PTPRM: variants seen among roughly 807,000 people sequenced by gnomAD.
PTPRM encodes the protein receptor-type tyrosine-protein phosphatase mu.
A neutral mutation model predicts 186.7 loss-of-function variants in PTPRM; 47 were observed. The ratio of observed to expected loss-of-function variants is 0.25; its 90% confidence interval spans 0.20 to 0.32. The LOEUF (loss-of-function observed/expected upper bound fraction) is 0.32, where lower values mean the gene tolerates loss of function less well. Among genes scored for constraint, PTPRM ranks in the 10% least tolerant of loss-of-function variants. The pLI is 1.00. For missense variants in PTPRM, 1,494 were observed against 1,865.0 expected, an observed-to-expected ratio of 0.80 and a Z score of 3.66; for synonymous variants, 668 against 674.9, an observed-to-expected ratio of 0.99 and a Z score of 0.16.
At chr18:7,916,017 T>C (rs1568008840) in intron 4 of PTPRM, among the ~76,000 whole-genome samples, 1 of 152,122 alleles carries the variant, frequency 6.6e-6, no homozygotes, top group Non-Finnish European at 1.5e-5. Context: ...AAACAAAAAC[T>C]ACACGTTTTC....
intron 2 of PTPRM, among the ~76,000 whole-genome samples, chr18:7,841,073 AG>A (rs2046296166): frequency 6.6e-6 from 1 of 152,206 alleles, no homozygotes; most frequent in African/African-American, 2.4e-5. Flanking sequence ...TGAACTGAAA[AG>A]CAGATCTCAT....
intron 5 of PTPRM, among the ~76,000 whole-genome samples, chr18:7,934,511 A>C (rs2051683664): frequency 6.6e-6 from 1 of 152,250 alleles, no homozygotes; most frequent in South Asian, 2.1e-4. Flanking sequence ...TTTAATGGGA[A>C]CAGTTTCACT....
chr18:7,623,994 G>T (rs976300773), intron 1 of PTPRM, among the ~76,000 whole-genome samples: 4 of 152,078 alleles, frequency 2.6e-5, no homozygotes, highest in Admixed American at 2.6e-4. Flanking sequence ...GCAGGGGGTG[G>T]GGGTAACTAT....
chr18:8,028,763 A>G (rs1289045194), intron 7 of PTPRM, among the ~76,000 whole-genome samples: 5 of 152,236 alleles, frequency 3.3e-5, no homozygotes, highest in Admixed American at 3.3e-4. Flanking sequence ...CTAGTACATC[A>G]GCTGGCTGAA....
chr18:7,924,668 G>C (rs537055258), intron 4 of PTPRM, among the ~76,000 whole-genome samples: 1 of 152,248 alleles, frequency 6.6e-6, no homozygotes, highest in South Asian at 2.1e-4. Context: ...ATGAGTATCT[G>C]GTGTGTGTGA....
At chr18:7,808,024 T>A (rs528684720) in intron 2 of PTPRM, among the ~76,000 whole-genome samples, 1 of 152,332 alleles carries the variant, frequency 6.6e-6, no homozygotes, top group South Asian at 2.1e-4. Flanking sequence ...AAGACGAGTG[T>A]TCCTGTGTCC....
intron 7 of PTPRM, among the ~76,000 whole-genome samples, chr18:8,064,874 G>A (rs1238145775): frequency 1.3e-5 from 2 of 152,192 alleles, no homozygotes; most frequent in South Asian, 2.1e-4. Context: ...TCACTAAATA[G>A]TAAAGTAAAG....
intron 1 of PTPRM, among the ~76,000 whole-genome samples, chr18:7,771,834 G>A (rs1207727327): frequency 3.3e-5 from 5 of 152,194 alleles, no homozygotes; most frequent in Admixed American, 1.3e-4. Flanking sequence ...TACCACAATT[G>A]AATGACAATG....
intron 1 of PTPRM, among the ~76,000 whole-genome samples, chr18:7,580,276 A>G (rs2036809476): frequency 6.6e-6 from 1 of 152,190 alleles, no homozygotes; most frequent in Non-Finnish European, 1.5e-5. Context: ...ACATGTCTAG[A>G]GCACTGGGTC....
intron 2 of PTPRM, among the ~76,000 whole-genome samples, chr18:7,835,030 T>G (rs1438685307): frequency 6.6e-6 from 1 of 150,660 alleles, no homozygotes; most frequent in Non-Finnish European, 1.5e-5. Flanking sequence ...GGCTAAATGT[T>G]TGTCTGTTTA....
chr18:8,253,488 A>C, intron 19 of PTPRM, 74 bp downstream of exon 19: 7 of 1,282,404 alleles, frequency 5.5e-6, no homozygotes, highest in Non-Finnish European at 7.0e-6. Flanking sequence ...CTCCCAACTC[A>C]ATCAGAAAGC....
chr18:7,896,682 C>A (rs958178772), intron 3 of PTPRM, among the ~76,000 whole-genome samples: 1 of 152,126 alleles, frequency 6.6e-6, no homozygotes, highest in Non-Finnish European at 1.5e-5. Flanking sequence ...CTTAGATATA[C>A]TGAAGGGTCC....
intron 2 of PTPRM, among the ~76,000 whole-genome samples, chr18:7,862,466 T>C (rs553741958): frequency 5.3e-5 from 8 of 152,324 alleles, no homozygotes; most frequent in Non-Finnish European, 8.8e-5. Context: ...TTAGAAGGTA[T>C]TGAAAATTAA....
At chr18:7,805,730 A>C (rs1369939921) in intron 2 of PTPRM, among the ~76,000 whole-genome samples, 3 of 152,312 alleles carry the variant, frequency 2.0e-5, no homozygotes, top group Admixed American at 2.0e-4. Flanking sequence ...CTGAGTACTA[A>C]TCTTTATAAA....
At chr18:7,882,986 A>G (rs2048584562) in intron 2 of PTPRM, among the ~76,000 whole-genome samples, 1 of 152,238 alleles carries the variant, frequency 6.6e-6, no homozygotes, top group South Asian at 2.1e-4. Flanking sequence ...TGTTCTTATC[A>G]AAGAGTTTTC....
intron 7 of PTPRM, among the ~76,000 whole-genome samples, chr18:8,016,397 G>A (rs994824795): frequency 1.3e-5 from 2 of 151,990 alleles, no homozygotes; most frequent in African/African-American, 4.8e-5. Flanking sequence ...GTGCATGCCT[G>A]TAATCCCAGC....
intron 13 of PTPRM, among the ~76,000 whole-genome samples, chr18:8,143,124 G>A (rs1408449911): frequency 6.6e-6 from 1 of 152,078 alleles, no homozygotes; most frequent in Non-Finnish European, 1.5e-5. Flanking sequence ...AAGGCAGGGG[G>A]AAAAAACTCT....
At chr18:7,865,859 A>C (rs1324582320) in intron 2 of PTPRM, among the ~76,000 whole-genome samples, 1 of 152,114 alleles carries the variant, frequency 6.6e-6, no homozygotes, top group Admixed American at 6.6e-5. Context: ...CCTCAGTTTC[A>C]GAACTTGTTG....
At chr18:7,960,203 C>G (rs777309211) in intron 7 of PTPRM, among the ~76,000 whole-genome samples, 1 of 152,042 alleles carries the variant, frequency 6.6e-6, no homozygotes, top group East Asian at 1.9e-4. Flanking sequence ...TTATTATAAA[C>G]TAATGACTAA....
Sources: allele counts gnomAD v4.1 joint callset (sites outside exome capture counted in the v4.1 genomes callset), GRCh38; gene constraint gnomAD v4.1.1; transcripts MANE v1.5; gene names NCBI Gene and HGNC (gene_info 2026-07-23, HGNC 2026-07-21).